PCDHA1: variants seen among roughly 807,000 people sequenced by gnomAD.
PCDHA1 encodes the protein protocadherin alpha 1.
A neutral mutation model predicts 61.3 loss-of-function variants in PCDHA1; 42 were observed. The ratio of observed to expected loss-of-function variants is 0.69; its 90% confidence interval spans 0.54 to 0.89. The LOEUF (loss-of-function observed/expected upper bound fraction) is 0.89, where lower values mean the gene tolerates loss of function less well. PCDHA1 is among the 40% of genes least tolerant of loss of function. PCDHA1 has a pLI of 0.00. For missense variants in PCDHA1, 1,256 were observed against 1,235.3 expected (o/e 1.02, Z -0.25); for synonymous variants, 610 against 553.8 (o/e 1.10, Z -1.43).
intron 1 of PCDHA1, chr5:140,812,555 T>C (rs2126639999): frequency 2.0e-5 from 3 of 152,284 alleles, no homozygotes; most frequent in African/African-American, 4.8e-5. Flanking sequence ...CCTTGAGTTG[T>C]TAAGTTTTTT....
At chr5:140,860,563 A>G (rs1332482786) in intron 1 of PCDHA1, 4 of 152,330 alleles carry the variant, frequency 2.6e-5, no homozygotes, top group Admixed American at 1.3e-4. Flanking sequence ...AGAGGTACTG[A>G]TCATACACAA....
At chr5:140,894,658 G>A (rs962936177) in intron 1 of PCDHA1, among the ~76,000 whole-genome samples, 4 of 151,172 alleles carry the variant, frequency 2.6e-5, no homozygotes, top group Non-Finnish European at 5.9e-5. Flanking sequence ...CTCTAATTCT[G>A]ATTTGTGTAT....
rs1258145330 is a variant in PCDHA1, at chr5:140,788,616, C to T, written c.2326C>T (p.Leu776=). ...KTDLMAFSPG[L]SPSLNTSERN... ...CGACCTCATGGCCTTCAGCCCAGGC[C>T]TATCTCCAAGTCTTAACACGTCAGA... is the stretch of plus-strand genomic sequence containing the variant. Residue 776 remains leucine, a synonymous_variant, in exon 1 of 4, where the codon CTA becomes TTA. Coordinates refer to ENST00000504120, the MANE Select transcript of PCDHA1 (RefSeq NM_018900.4). The T allele has an allele frequency of 3.7e-6, 6 of 1,613,778 alleles. No individual in the cohort carries two copies. The East Asian group carries it at 8.9e-5, about 24-fold the overall frequency.
intron 3 of PCDHA1, among the ~76,000 whole-genome samples, chr5:140,993,524 A>ACGGG (rs2097569997): frequency 2.0e-5 from 3 of 147,314 alleles, no homozygotes; most frequent in Admixed American, 2.0e-4. Flanking sequence ...AGAGAGAGAC[A>ACGGG]GAGAGAGAGA....
At position 140,849,443 on chromosome 5, in the gene PCDHA1, C is replaced by G. The variant is rs2150437584; in HGVS notation, c.2394+60759C>G. On this transcript the variant is annotated intron_variant, in intron 1 of 3. Coordinates refer to ENST00000504120, the MANE Select transcript of PCDHA1 (RefSeq NM_018900.4). ...TGGATTTTGAAGAAAGTAGAGCACA[C>G]AAGATCCCAGTCGAGGCTGTCGATA... 1.9e-6 allele frequency: 3 copies of G among 1,584,788 alleles called. 1 individual carries two copies. The highest frequency in any genetic ancestry group is 8.6e-7 in the Non-Finnish European group (1 of 1,160,072).
At chr5:140,940,080 T>C (rs1213223425) in intron 1 of PCDHA1, among the ~76,000 whole-genome samples, 3 of 152,248 alleles carry the variant, frequency 2.0e-5, no homozygotes, top group African/African-American at 7.2e-5. Flanking sequence ...GATATCTTTC[T>C]GCTAAATTGA....
intron 1 of PCDHA1, among the ~76,000 whole-genome samples, chr5:140,945,598 T>C (rs544036785): frequency 1.3e-5 from 2 of 152,116 alleles, no homozygotes; most frequent in South Asian, 2.1e-4. Flanking sequence ...TTCAAAGCTA[T>C]AATAATCAAA....
intron 1 of PCDHA1, chr5:140,875,630 G>A: frequency 6.2e-7 from 1 of 1,613,686 alleles, no homozygotes. Context: ...CAGGACCTGG[G>A]GCTGGAGCTG....
chr5:140,807,519 A>C, intron 1 of PCDHA1: 1 of 1,614,094 alleles, frequency 6.2e-7, no homozygotes, highest in Non-Finnish European at 8.5e-7. Flanking sequence ...GTGATCGTAG[A>C]CAGGCCGCTG....
chr5:140,883,031 G>A, intron 1 of PCDHA1: 1 of 1,614,078 alleles, frequency 6.2e-7, no homozygotes, highest in Non-Finnish European at 8.5e-7. Flanking sequence ...GTTAGAGAAC[G>A]CCTTCAATGG....
chr5:140,840,316 C>A (rs2150305705), intron 1 of PCDHA1, among the ~76,000 whole-genome samples: 1 of 151,756 alleles, frequency 6.6e-6, no homozygotes, highest in South Asian at 2.1e-4. Flanking sequence ...TAACTTTGGT[C>A]GACTCATTTT....
At chr5:140,809,711 T>C in intron 1 of PCDHA1, 1 of 1,041,988 alleles carries the variant, frequency 9.6e-7, no homozygotes, top group Non-Finnish European at 1.4e-6. Flanking sequence ...CTAAAGTCTT[T>C]TGGAATTATA....
chr5:140,869,757 A>G, intron 1 of PCDHA1: 3 of 1,613,264 alleles, frequency 1.9e-6, no homozygotes, highest in Non-Finnish European at 2.5e-6. Flanking sequence ...CAGACGGGGG[A>G]AAACCAGAGC....
chr5:140,869,424 G>A, intron 1 of PCDHA1: 2 of 1,614,216 alleles, frequency 1.2e-6, no homozygotes, highest in African/African-American at 2.7e-5. Context: ...TCCACCTGGA[G>A]GTGATCGTGG....
At chr5:140,914,596 C>G (rs1454753124) in intron 1 of PCDHA1, among the ~76,000 whole-genome samples, 1 of 152,128 alleles carries the variant, frequency 6.6e-6, no homozygotes, top group Non-Finnish European at 1.5e-5. Context: ...TAAGTAGGAA[C>G]TTCCTCCTGC....
intron 1 of PCDHA1, chr5:140,797,157 G>A (rs1554120315): frequency 2.5e-6 from 4 of 1,613,956 alleles, no homozygotes; most frequent in Non-Finnish European, 3.4e-6. Context: ...CCGAGGGTGC[G>A]CGCGCGCCAG....
At chr5:140,970,791 T>A (rs2096434096) in intron 1 of PCDHA1, among the ~76,000 whole-genome samples, 2 of 152,210 alleles carry the variant, frequency 1.3e-5, no homozygotes, top group South Asian at 2.1e-4. Flanking sequence ...GTATGTAATA[T>A]CCATATTGTT....
rs529433053 is a variant in PCDHA1 at position 140,985,961 on chromosome 5, A to C, written c.2542+3398A>C. Among the ~76,000 whole-genome samples, 18 of 151,982 alleles carry C rather than the reference A, an allele frequency of 1.2e-4. 1 individual carries two copies. In the South Asian group the frequency reaches 3.3e-3, roughly 28 times the overall value. On this transcript the variant is annotated intron_variant, in intron 3 of 3. Transcript: ENST00000504120. Reference sequence around the variant, plus strand: ...TCACTGTGTTAGCCAGGATGGTCTCAATCTCCTGACCTCGTGATCCGCCCA... The same window carrying C: ...TCACTGTGTTAGCCAGGATGGTCTCCATCTCCTGACCTCGTGATCCGCCCA...
chr5:140,857,763 C>T (rs782102895), intron 1 of PCDHA1: 4 of 1,597,078 alleles, frequency 2.5e-6, no homozygotes, highest in East Asian at 2.2e-5. Context: ...GCTGGCAGCG[C>T]GGGCGGTGCA....
Sources: gnomAD v4.1 joint callset for allele counts (sites outside exome capture counted in the v4.1 genomes callset) on GRCh38, gnomAD v4.1.1 for gene constraint, MANE v1.5 for transcripts, NCBI Gene and HGNC (gene_info 2026-07-23, HGNC 2026-07-21) for gene names.